RBFOX1: variants seen among roughly 807,000 people sequenced by gnomAD.
The protein encoded by RBFOX1 is RNA binding protein fox-1 homolog 1.
In RBFOX1, 8 loss-of-function variants were observed where a neutral mutation model predicts 57.7. That is an observed-to-expected ratio of 0.14 (90% CI 0.08 to 0.25). The LOEUF (loss-of-function observed/expected upper bound fraction) is 0.25, where lower values mean the gene tolerates loss of function less well. RBFOX1 is among the 10% of genes least tolerant of loss of function. The pLI is 1.00. For synonymous variants in RBFOX1, 326 were observed against 222.4 expected, an observed-to-expected ratio of 1.47 and a Z score of -4.15; for missense variants, 611 against 548.5, an observed-to-expected ratio of 1.11 and a Z score of -1.14.
rs556164667 is a variant in RBFOX1, at chr16:6,776,568, CTGTT to C, written c.-16+121923_-16+121926del. On this transcript the variant is annotated intron_variant, in intron 3 of 15. Coordinates refer to ENST00000550418, the MANE Select transcript of RBFOX1 (RefSeq NM_018723.4). ...GATCAAGTCTCATCCATGGTTGACA[CTGTT>C]TGTTGGATGATTTGGACATTTGGAG... Among the ~76,000 whole-genome samples, 659 of 152,316 alleles carry C rather than the reference CTGTT, an allele frequency of 4.3e-3. 4 individuals carry two copies. The highest frequency in any genetic ancestry group is 0.015 in the African/African-American group (641 of 41,570).
chr16:6,756,275 A>C (rs1179223744), intron 3 of RBFOX1, among the ~76,000 whole-genome samples: 1 of 152,206 alleles, frequency 6.6e-6, no homozygotes, highest in Non-Finnish European at 1.5e-5. Flanking sequence ...ATCCGTATGT[A>C]GAAGAGTGAA....
At chr16:5,358,708 T>C (rs1221871578) in intron 1 of RBFOX1, among the ~76,000 whole-genome samples, 1 of 152,110 alleles carries the variant, frequency 6.6e-6, no homozygotes, top group Non-Finnish European at 1.5e-5. Context: ...ATGCCTATAA[T>C]CCCAGCTACT....
At chr16:6,950,914 CTT>C (rs34005825) in intron 3 of RBFOX1, among the ~76,000 whole-genome samples, 7 of 149,144 alleles carry the variant, frequency 4.7e-5, no homozygotes, top group Non-Finnish European at 1.0e-4. Context: ...TTCTTTCTCT[CTT>C]TTTTTTTGAC....
chr16:7,579,664 T>G, intron 5 of RBFOX1, 113 bp from the exon 6 acceptor site: 1 of 1,335,348 alleles, frequency 7.5e-7, no homozygotes, highest in Non-Finnish European at 1.0e-6. Context: ...TTTCTTCCCT[T>G]CTCAGATTGC....
At chr16:5,558,269 G>A (rs35624230) in intron 2 of RBFOX1, among the ~76,000 whole-genome samples, 69,688 of 152,012 alleles carry the variant, frequency 0.46, 16,329 homozygotes, top group East Asian at 0.6. Flanking sequence ...GCAGCATGCA[G>A]AGCTGAAAGA....
chr16:5,394,956 A>T (rs1391503389), intron 1 of RBFOX1, among the ~76,000 whole-genome samples: 1 of 152,104 alleles, frequency 6.6e-6, no homozygotes, highest in Admixed American at 6.5e-5. Flanking sequence ...ATTCTCCTGA[A>T]GCTTAATCTG....
chr16:5,943,094 T>G (rs558788027), intron 4 of RBFOX1, among the ~76,000 whole-genome samples: 3 of 152,174 alleles, frequency 2.0e-5, no homozygotes, highest in Admixed American at 6.5e-5. Context: ...TCTCCCACCC[T>G]GAGGGGAGCT....
intron 2 of RBFOX1, among the ~76,000 whole-genome samples, chr16:6,604,010 G>C (rs1165490065): frequency 6.6e-6 from 1 of 152,054 alleles, no homozygotes; most frequent in Non-Finnish European, 1.5e-5. Context: ...AGCTAACTGT[G>C]GTCCTTTCAT....
In RBFOX1 at chr16:6,247,765, T is replaced by C. The variant is rs111641704; in HGVS notation, c.-126-69230T>C. On this transcript the variant is annotated intron_variant, in intron 1 of 15. Transcript: ENST00000550418. ...CCTTCCCCACCAGGCAAGGCTGAAT[T>C]ACTCTACAGAGAGAGAGTGAGTGCG... Among the ~76,000 whole-genome samples, 726 of 152,300 alleles carry C rather than the reference T, an allele frequency of 4.8e-3. 12 individuals carry two copies. The highest frequency in any genetic ancestry group is 0.016 in the African/African-American group (675 of 41,560).
At chr16:5,309,575 G>A (rs1428152159) in intron 1 of RBFOX1, among the ~76,000 whole-genome samples, 1 of 152,084 alleles carries the variant, frequency 6.6e-6, no homozygotes, top group Non-Finnish European at 1.5e-5. Flanking sequence ...ATATTGCATA[G>A]CGGTGAAGTG....
chr16:7,025,840 A>G (rs912502774), intron 3 of RBFOX1, among the ~76,000 whole-genome samples: 1 of 152,178 alleles, frequency 6.6e-6, no homozygotes, highest in African/African-American at 2.4e-5. Context: ...CAGCAACCCC[A>G]GGTCAGGGAT....
intron 3 of RBFOX1, among the ~76,000 whole-genome samples, chr16:6,675,332 G>T (rs1014981534): frequency 6.6e-6 from 1 of 152,130 alleles, no homozygotes; most frequent in Non-Finnish European, 1.5e-5. Context: ...AGGTGCTCTT[G>T]CAAATGTCAT....
In RBFOX1 at chr16:6,831,704, G is replaced by T. The variant is rs538592584; in HGVS notation, c.-16+177054G>T. On this transcript the variant is annotated intron_variant, in intron 3 of 15. Coordinates refer to ENST00000550418, the MANE Select transcript of RBFOX1 (RefSeq NM_018723.4). ...CCAGTTCTATTATTTTTAACTCTTT[G>T]CCCCTTCCTCCATCTCTTGGGTTTG... Among the ~76,000 whole-genome samples the T allele has an allele frequency of 8.6e-4, 131 of 152,084 alleles. 1 individual carries two copies. Among genetic ancestry groups the T allele is most frequent in the South Asian group, 6.4e-3 (31 of 4,820 alleles).
chr16:5,308,883 C>G (rs1384979429), intron 1 of RBFOX1, among the ~76,000 whole-genome samples: 1 of 152,136 alleles, frequency 6.6e-6, no homozygotes, highest in Non-Finnish European at 1.5e-5. Context: ...CCTGAGACCT[C>G]CCTGCTAAAT....
In RBFOX1 at chr16:6,640,287, C is replaced by G. The variant is rs181962370; in HGVS notation, c.-63-14316C>G. On this transcript the variant is annotated intron_variant, in intron 2 of 15. Transcript: ENST00000550418. Reference sequence around the variant, plus strand: ...AGTTGATATACTATTAAGAACTAGGCTATATTTTTAATTTTTTGTTAATTT... The same window carrying G: ...AGTTGATATACTATTAAGAACTAGGGTATATTTTTAATTTTTTGTTAATTT... Among the ~76,000 whole-genome samples, 726 of 152,208 alleles carry G rather than the reference C, an allele frequency of 4.8e-3. 10 individuals carry two copies. The highest frequency in any genetic ancestry group is 0.016 in the African/African-American group (658 of 41,514).
chr16:7,340,062 C>G (rs1000185117), intron 4 of RBFOX1, among the ~76,000 whole-genome samples: 1 of 152,196 alleles, frequency 6.6e-6, no homozygotes, highest in Non-Finnish European at 1.5e-5. Context: ...ATCTTATAGT[C>G]CATGCACATC....
intron 1 of RBFOX1, among the ~76,000 whole-genome samples, chr16:5,308,092 C>T (rs1035231719): frequency 6.6e-6 from 1 of 152,112 alleles, no homozygotes; most frequent in East Asian, 1.9e-4. Flanking sequence ...GTAATCCCAG[C>T]ATTTTGGGAG....
chr16:6,138,361 C>T (rs1280988229), intron 1 of RBFOX1, among the ~76,000 whole-genome samples: 1 of 152,170 alleles, frequency 6.6e-6, no homozygotes, highest in Non-Finnish European at 1.5e-5. Flanking sequence ...GTTTTAACAT[C>T]TTTAGAGGCT....
intron 1 of RBFOX1, among the ~76,000 whole-genome samples, chr16:5,359,004 G>T (rs2065470782): frequency 6.6e-6 from 1 of 152,032 alleles, no homozygotes; most frequent in Non-Finnish European, 1.5e-5. Flanking sequence ...TCTACTCTCT[G>T]TTTCCATGAG....
Sources: allele counts gnomAD v4.1 joint callset (sites outside exome capture counted in the v4.1 genomes callset), GRCh38; gene constraint gnomAD v4.1.1; transcripts MANE v1.5; gene names NCBI Gene and HGNC (gene_info 2026-07-23, HGNC 2026-07-21).